Variants in GRM5 observed in about 807,000 individuals in gnomAD.
The protein encoded by GRM5 is metabotropic glutamate receptor 5.
Under a neutral mutation model 83.1 loss-of-function variants are expected in GRM5, and 19 were observed. The observed-to-expected ratio is 0.23, with a 90% confidence interval of 0.16 to 0.34. The LOEUF is 0.34. Ranked by LOEUF, GRM5 falls within the 10% of genes least tolerant of loss-of-function variation. The pLI is 1.00. For synonymous variants in GRM5, 675 were observed against 633.6 expected (o/e 1.07, Z -0.98); for missense variants, 1,160 against 1,588.3 (o/e 0.73, Z 4.58).
chr11:88,933,134 A>T (rs1319672050), intron 2 of GRM5, among the ~76,000 whole-genome samples: 2 of 150,212 alleles, frequency 1.3e-5, no homozygotes, highest in African/African-American at 4.9e-5. Flanking sequence ...AACTCCAAAA[A>T]ATTGAGAGGT....
intron 4 of GRM5, among the ~76,000 whole-genome samples, chr11:88,638,817 G>A (rs1283433164): frequency 4.0e-5 from 6 of 151,742 alleles, no homozygotes; most frequent in Non-Finnish European, 8.8e-5. Flanking sequence ...TAGTGATGTT[G>A]CCTCACCCAT....
At chr11:88,707,043 G>A (rs113520677) in intron 3 of GRM5, among the ~76,000 whole-genome samples, 24 of 152,096 alleles carry the variant, frequency 1.6e-4, no homozygotes, top group South Asian at 2.1e-4. Flanking sequence ...ATTCTGCATC[G>A]CTCTGCACAA....
intron 2 of GRM5, among the ~76,000 whole-genome samples, chr11:88,947,060 A>G (rs566313821): frequency 6.6e-6 from 1 of 152,264 alleles, no homozygotes; most frequent in East Asian, 1.9e-4. Context: ...GATTGAACAT[A>G]TTGAATTTTT....
chr11:88,654,232 G>C (rs1290384279), intron 3 of GRM5, among the ~76,000 whole-genome samples: 1 of 152,086 alleles, frequency 6.6e-6, no homozygotes, highest in African/African-American at 2.4e-5. Context: ...AATGCTAGAG[G>C]AGAGTATAAC....
chr11:88,823,778 C>T (rs747744846), intron 3 of GRM5, among the ~76,000 whole-genome samples: 2 of 152,116 alleles, frequency 1.3e-5, no homozygotes, highest in Non-Finnish European at 2.9e-5. Context: ...TTTCTTATTT[C>T]CACATTTCAG....
intron 3 of GRM5, among the ~76,000 whole-genome samples, chr11:88,768,575 C>T (rs1418266532): frequency 5.3e-5 from 8 of 151,370 alleles, no homozygotes; most frequent in Admixed American, 2.6e-4. Context: ...ATACACTTAA[C>T]AATGTTGAAT....
chr11:88,750,097 T>C (rs751521549), intron 3 of GRM5, among the ~76,000 whole-genome samples: 7 of 152,046 alleles, frequency 4.6e-5, no homozygotes, highest in Non-Finnish European at 1.0e-4. Flanking sequence ...ATACTAACCT[T>C]AAATGTAAAT....
intron 3 of GRM5, among the ~76,000 whole-genome samples, chr11:88,657,745 T>C (rs1197074348): frequency 6.6e-6 from 1 of 152,148 alleles, no homozygotes; most frequent in Non-Finnish European, 1.5e-5. Context: ...CCTGCTATTT[T>C]TTTTCCTAGG....
chr11:88,942,576 A>G (rs1938149344), intron 2 of GRM5, among the ~76,000 whole-genome samples: 1 of 151,970 alleles, frequency 6.6e-6, no homozygotes, highest in Admixed American at 6.6e-5. Context: ...AAAATTATAT[A>G]TTCATAAATT....
At chr11:88,571,822 T>C (rs1165871124) in intron 7 of GRM5, among the ~76,000 whole-genome samples, 3 of 151,904 alleles carry the variant, frequency 2.0e-5, no homozygotes, top group East Asian at 1.9e-4. Context: ...TGTGGGGAGA[T>C]AGATTGAAAA....
rs748427851 is a variant in GRM5, at chr11:88,525,423, G to A, written c.2631-19C>T. The A allele has an allele frequency of 6.8e-7, 1 of 1,462,156 alleles. No homozygotes were observed. The highest frequency in any genetic ancestry group is 2.3e-5 in the East Asian group (1 of 44,170). 90.6% of individuals were successfully genotyped at this position (1,462,156 alleles called of 1,614,324 possible). On this transcript the variant is annotated intron_variant, in intron 8 of 9. Coordinates refer to ENST00000305447, the MANE Select transcript of GRM5 (RefSeq NM_001143831.3). ...TTTGTACCTGGTGAGCATGAACAAG[G>A]ACAGGAGCAAACAGAAAGACGTGAT... is the stretch of plus-strand genomic sequence containing the variant.
intron 3 of GRM5, among the ~76,000 whole-genome samples, chr11:88,749,740 A>T (rs991532711): frequency 6.6e-6 from 1 of 152,154 alleles, no homozygotes; most frequent in Admixed American, 6.6e-5. Context: ...CTAACAGTGG[A>T]CCTCTCAGCA....
intron 3 of GRM5, among the ~76,000 whole-genome samples, chr11:88,699,977 C>T (rs1940991001): frequency 1.3e-5 from 2 of 152,044 alleles, no homozygotes; most frequent in Admixed American, 1.3e-4. Context: ...TACCATAGAC[C>T]TTAGGGGAGT....
In GRM5 at chr11:89,060,989, T is replaced by C. The variant is rs1382452297; in HGVS notation, c.-201+4787A>G. 5.3e-5 allele frequency among the ~76,000 whole-genome samples: 8 copies of C among 152,256 alleles called. No individual in the cohort carries two copies. The East Asian group carries it at 1.5e-3, about 29-fold the overall frequency. On this transcript the variant is annotated intron_variant, in intron 1 of 9. Coordinates refer to ENST00000305447, the MANE Select transcript of GRM5 (RefSeq NM_001143831.3). The stretch of plus-strand genomic sequence containing the variant: ...GAATATGAATATAACACATAACACA[T>C]ATTTCTAAAGTGCAGAATCTTCCTG...
chr11:88,639,939 T>G (rs1591402138), intron 4 of GRM5, among the ~76,000 whole-genome samples: 1 of 152,294 alleles, frequency 6.6e-6, no homozygotes, highest in East Asian at 1.9e-4. Flanking sequence ...CATTGAAAAC[T>G]GCCTGCACTA....
At chr11:88,619,985 C>T (rs560792462) in intron 4 of GRM5, among the ~76,000 whole-genome samples, 6 of 152,182 alleles carry the variant, frequency 3.9e-5, no homozygotes, top group African/African-American at 1.4e-4. Flanking sequence ...ATTCTTTATG[C>T]ATATGGCAAA....
At chr11:88,553,353 G>A (rs1288282741) in intron 8 of GRM5, among the ~76,000 whole-genome samples, 2 of 152,102 alleles carry the variant, frequency 1.3e-5, no homozygotes, top group African/African-American at 4.8e-5. Flanking sequence ...TGTATCCAGT[G>A]GCTAGATAGT....
chr11:88,878,589 T>G (rs1944897592), intron 2 of GRM5, among the ~76,000 whole-genome samples: 1 of 152,186 alleles, frequency 6.6e-6, no homozygotes, highest in African/African-American at 2.4e-5. Flanking sequence ...CAATAGGCCC[T>G]GCACAGGTGG....
chr11:88,978,474 T>TAAAAAAAA lies in GRM5; in HGVS notation c.661+68730_661+68737dup, dbSNP rs200343438. On this transcript the variant is annotated intron_variant, in intron 2 of 9. Transcript: ENST00000305447. The stretch of plus-strand genomic sequence containing the variant: ...TAACATTAACAACAGCAGATGAGCT[T>TAAAAAAAA]AAAAAAAAAAAAAAAAAAAAAAAAA... Among the ~76,000 whole-genome samples the TAAAAAAAA allele has an allele frequency of 3.1e-4, 30 of 97,980 alleles. 1 individual carries two copies. The highest frequency in any genetic ancestry group is 6.2e-4 in the African/African-American group (17 of 27,208). 64.3% of individuals were successfully genotyped at this position (97,980 alleles called of 152,430 possible).
Sources: gnomAD v4.1 joint callset for allele counts (sites outside exome capture counted in the v4.1 genomes callset) on GRCh38, gnomAD v4.1.1 for gene constraint, MANE v1.5 for transcripts, NCBI Gene and HGNC (gene_info 2026-07-23, HGNC 2026-07-21) for gene names.